Variants in ROBO2 observed in about 807,000 individuals in gnomAD.
ROBO2 encodes the protein roundabout guidance receptor 2, also known as roundabout homolog 2.
In ROBO2, 53 loss-of-function variants were observed where a neutral mutation model predicts 160.8. The ratio of observed to expected loss-of-function variants is 0.33; its 90% CI spans 0.26 to 0.41. ROBO2 has a LOEUF of 0.41. Ranked by LOEUF, ROBO2 falls within the 10% of genes least tolerant of loss-of-function variation. ROBO2 has a pLI of 1.00. For missense variants in ROBO2, 1,577 were observed against 1,722.4 expected (o/e 0.92, Z 1.49); for synonymous variants, 664 against 611.7 (o/e 1.09, Z -1.26).
At chr3:76,019,493 C>T (rs114015543) in intron 2 of ROBO2, among the ~76,000 whole-genome samples, 1,215 of 112,192 alleles carry the variant, frequency 0.011, 17 homozygotes, top group African/African-American at 0.033. Context: ...TGTATTCCTT[C>T]GAATTGGCTA....
intron 2 of ROBO2, among the ~76,000 whole-genome samples, chr3:76,204,930 T>A (rs1021539): frequency 0.73 from 111,107 of 152,092 alleles, 42,915 homozygotes; most frequent in Non-Finnish European, 0.87. Flanking sequence ...ATTCTATAGA[T>A]AAATTTCATT....
intron 2 of ROBO2, among the ~76,000 whole-genome samples, chr3:76,063,616 G>T (rs1446381680): frequency 1.3e-5 from 2 of 151,906 alleles, no homozygotes; most frequent in Non-Finnish European, 2.9e-5. Flanking sequence ...AAAGTGCTGG[G>T]ATTACAGGCA....
At chr3:77,583,243 C>T (rs1107432) in intron 16 of ROBO2, among the ~76,000 whole-genome samples, 15,027 of 151,262 alleles carry the variant, frequency 0.099, 967 homozygotes, top group Middle Eastern at 0.17. Flanking sequence ...GGATGCTGTT[C>T]AGCAATGTTT....
chr3:77,611,659 T>G (rs545967953), intron 21 of ROBO2, among the ~76,000 whole-genome samples: 1 of 152,304 alleles, frequency 6.6e-6, no homozygotes, highest in East Asian at 1.9e-4. Flanking sequence ...ATCATCAGTT[T>G]TCATTCTAAG....
intron 2 of ROBO2, among the ~76,000 whole-genome samples, chr3:76,534,615 A>G (rs1368922971): frequency 6.6e-6 from 1 of 152,170 alleles, no homozygotes; most frequent in Non-Finnish European, 1.5e-5. Flanking sequence ...CAAGCCTTCT[A>G]CCAACCAGCA....
intron 2 of ROBO2, among the ~76,000 whole-genome samples, chr3:77,200,289 A>G (rs1320295636): frequency 4.9e-5 from 3 of 61,076 alleles, no homozygotes; most frequent in Non-Finnish European, 9.3e-5. Context: ...ATATATATAT[A>G]TATATATATA....
chr3:76,485,726 C>T (rs550214355), intron 2 of ROBO2, among the ~76,000 whole-genome samples: 2 of 152,062 alleles, frequency 1.3e-5, no homozygotes, highest in East Asian at 3.9e-4. Context: ...CTGTCTAGAA[C>T]CAGATTACAT....
intron 2 of ROBO2, among the ~76,000 whole-genome samples, chr3:76,697,026 T>G (rs2092942408): frequency 6.6e-6 from 1 of 152,166 alleles, no homozygotes; most frequent in African/African-American, 2.4e-5. Context: ...GAGATATAGC[T>G]GGAATATCAT....
At chr3:77,127,458 T>A (rs1277221689) in intron 2 of ROBO2, among the ~76,000 whole-genome samples, 1 of 152,164 alleles carries the variant, frequency 6.6e-6, no homozygotes, top group Non-Finnish European at 1.5e-5. Context: ...TTATAGATTA[T>A]TTTTCACCAT....
At chr3:76,625,462 CA>C (rs1439700023) in intron 2 of ROBO2, among the ~76,000 whole-genome samples, 1 of 150,754 alleles carries the variant, frequency 6.6e-6, no homozygotes, top group Non-Finnish European at 1.5e-5. Flanking sequence ...CTATGGGGGC[CA>C]AAAAAATAAG....
At chr3:76,994,577 T>G (rs2060879953) in intron 2 of ROBO2, among the ~76,000 whole-genome samples, 1 of 152,198 alleles carries the variant, frequency 6.6e-6, no homozygotes, top group South Asian at 2.1e-4. Context: ...TGATTCAGGA[T>G]AGCAAGTAAG....
intron 2 of ROBO2, among the ~76,000 whole-genome samples, chr3:76,718,695 C>T (rs978110347): frequency 6.6e-6 from 1 of 152,128 alleles, no homozygotes; most frequent in African/African-American, 2.4e-5. Flanking sequence ...CCTTCAGAGG[C>T]TTTGATTTGT....
intron 2 of ROBO2, among the ~76,000 whole-genome samples, chr3:76,438,485 C>T (rs1324882742): frequency 6.6e-6 from 1 of 150,964 alleles, no homozygotes; most frequent in African/African-American, 2.4e-5. Flanking sequence ...ATAAAGTAAT[C>T]CTATAAAAAA....
In ROBO2 at chr3:77,219,484, A is replaced by ATATAT. The variant is rs10654898; in HGVS notation, c.388+121144_388+121145insTATAT. On this transcript the variant is annotated intron_variant, in intron 2 of 25. Coordinates refer to ENST00000461745, the Ensembl canonical transcript of ROBO2. Reference sequence around the variant, plus strand: ...TGTATCTGTGTATATATATATATATAATCTGTATATATATATATATATATA... The same window carrying ATATAT: ...TGTATCTGTGTATATATATATATATATATATATCTGTATATATATATATATATATA... Among the ~76,000 whole-genome samples, 2 of 90,708 alleles carry ATATAT rather than the reference A, an allele frequency of 2.2e-5. 1 individual carries two copies. Among genetic ancestry groups the ATATAT allele is most frequent in the Non-Finnish European group, 4.9e-5 (2 of 40,640 alleles). The allele number at this position is 90,708 out of a possible 152,430, so 59.5% of individuals were successfully genotyped here. A position where few individuals can be genotyped will look rare whatever the true frequency, so the allele number is the denominator to read the frequency against.
intron 2 of ROBO2, among the ~76,000 whole-genome samples, chr3:76,843,894 T>G (rs1181568755): frequency 1.3e-5 from 2 of 152,084 alleles, no homozygotes; most frequent in African/African-American, 4.8e-5. Context: ...CTGATCTTCT[T>G]GTAGCAAGAG....
At chr3:77,012,540 A>G (rs2061984505) in intron 2 of ROBO2, among the ~76,000 whole-genome samples, 1 of 152,218 alleles carries the variant, frequency 6.6e-6, no homozygotes, top group Non-Finnish European at 1.5e-5. Flanking sequence ...GATGATGAGA[A>G]TATCAGCTAC....
intron 2 of ROBO2, among the ~76,000 whole-genome samples, chr3:76,238,176 G>T (rs1448987249): frequency 6.6e-6 from 1 of 152,170 alleles, no homozygotes; most frequent in Admixed American, 6.5e-5. Context: ...GAATCTGACT[G>T]TGTTAGTCTG....
chr3:77,004,380 T>C (rs984895238), intron 2 of ROBO2, among the ~76,000 whole-genome samples: 7 of 152,182 alleles, frequency 4.6e-5, no homozygotes, highest in African/African-American at 1.7e-4. Context: ...TAGTTCTTTG[T>C]TGCTTGCTGG....
chr3:76,303,615 A>G (rs1410646255), intron 2 of ROBO2, among the ~76,000 whole-genome samples: 1 of 152,204 alleles, frequency 6.6e-6, no homozygotes, highest in African/African-American at 2.4e-5. Flanking sequence ...CTTCAAAAAA[A>G]AAGAGGGAGC....
Sources: allele counts gnomAD v4.1 joint callset (sites outside exome capture counted in the v4.1 genomes callset), GRCh38; gene constraint gnomAD v4.1.1; transcripts MANE v1.5; gene names NCBI Gene and HGNC (gene_info 2026-07-23, HGNC 2026-07-21).